The following NUFIP2 variants were observed in gnomAD, a reference collection of about 807,000 sequenced individuals.
NUFIP2 encodes FMR1-interacting protein NUFIP2.
A neutral mutation model predicts 56.9 loss-of-function variants in NUFIP2; 6 were observed. The ratio of observed to expected loss-of-function variants is 0.11; its 90% CI spans 0.06 to 0.21. The LOEUF (loss-of-function observed/expected upper bound fraction) is 0.21. Ranked by LOEUF, NUFIP2 falls within the 10% of genes least tolerant of loss-of-function variation. The probability of loss-of-function intolerance (pLI) is 1.00; values close to 1 mark genes in which losing one functional copy is unlikely to be tolerated. For missense variants in NUFIP2, 828 were observed against 826.8 expected, an observed-to-expected ratio of 1.00 and a Z score of -0.02; for synonymous variants, 321 against 298.2, an observed-to-expected ratio of 1.08 and a Z score of -0.79.
intron 2 of NUFIP2, among the ~76,000 whole-genome samples, chr17:29,282,513 A>T (rs1598434113): frequency 6.6e-6 from 1 of 150,776 alleles, no homozygotes; most frequent in Non-Finnish European, 1.5e-5. Context: ...GTGACACTGC[A>T]CTCCAGCCTG....
intron 2 of NUFIP2, among the ~76,000 whole-genome samples, chr17:29,278,229 A>C (rs1441159735): frequency 6.6e-6 from 1 of 151,178 alleles, no homozygotes; most frequent in African/African-American, 2.4e-5. Flanking sequence ...TATTGCTCTT[A>C]TTCTAATCTC....
chr17:29,291,141 T>C (rs1567682960), intron 1 of NUFIP2, among the ~76,000 whole-genome samples: 2 of 152,092 alleles, frequency 1.3e-5, no homozygotes, highest in South Asian at 4.1e-4. Context: ...AATTTTCTTT[T>C]TAAATAGTAG....
intron 2 of NUFIP2, among the ~76,000 whole-genome samples, chr17:29,274,123 T>C (rs2069093243): frequency 1.3e-5 from 2 of 152,220 alleles, no homozygotes; most frequent in South Asian, 4.1e-4. Flanking sequence ...GGTATGTGTG[T>C]GCTTTAACAA....
chr17:29,271,810 C>T (rs1437780566), intron 2 of NUFIP2, among the ~76,000 whole-genome samples: 1 of 151,674 alleles, frequency 6.6e-6, no homozygotes, highest in Non-Finnish European at 1.5e-5. Flanking sequence ...GTGGCTCTCA[C>T]CTGTAATCCC....
At chr17:29,278,430 T>TACTA (rs2153011790) in intron 2 of NUFIP2, among the ~76,000 whole-genome samples, 1 of 152,076 alleles carries the variant, frequency 6.6e-6, no homozygotes, top group South Asian at 2.1e-4. Flanking sequence ...GTATTTTTAG[T>TACTA]AGAGACGGGG....
chr17:29,284,703 T>C (rs1425665221), intron 2 of NUFIP2, among the ~76,000 whole-genome samples: 3 of 66,064 alleles, frequency 4.5e-5, no homozygotes, highest in East Asian at 4.7e-4. Context: ...TAAGACTCCA[T>C]CTCAAAAAAA....
Position 29,286,285 on chromosome 17 carries a change from C to T in NUFIP2, c.1709G>A (p.Arg570Gln). 5 of 1,614,156 alleles carry T rather than the reference C, an allele frequency of 3.1e-6. No individual in the cohort carries two copies. The highest frequency in any genetic ancestry group is 4.2e-6 in the Non-Finnish European group (5 of 1,180,024). ...VFPKAYELEK[R>Q]TSPQVLGSIL... is the part of the protein sequence containing the mutation. ...GCTACCCAGAACTTGAGGACTAGTC[C>T]GTTTCTCCAGCTCGTAAGCCTTGGG... Residue 570 changes from arginine to glutamine, a missense_variant, in exon 2 of 4, where the codon CGG becomes CAG. Arg to Gln is a conservative substitution (Grantham distance 43). Transcript: ENST00000225388.
At chr17:29,278,612 CTTGGAATGAAACTGCTACTACTATGAT>C (rs2069122679) in intron 2 of NUFIP2, among the ~76,000 whole-genome samples, 1 of 30,508 alleles carries the variant, frequency 3.3e-5, no homozygotes, top group African/African-American at 1.9e-4. Flanking sequence ...ATAGTAATAG[CTTGGAATGAAACTGCTACTACTATGAT>C]AGTAATAAAC....
At chr17:29,268,468 G>A (rs373663639) in intron 2 of NUFIP2, among the ~76,000 whole-genome samples, 66 of 152,098 alleles carry the variant, frequency 4.3e-4, no homozygotes, top group African/African-American at 1.5e-3. Flanking sequence ...AACCATTCAG[G>A]CAAGTAGTTC....
Position 29,263,492 on chromosome 17 carries a change from C to G in NUFIP2, c.*1047G>C, listed in dbSNP as rs565952000. 2.0e-5 allele frequency: 3 copies of G among 152,654 alleles called. No homozygotes were observed. In the South Asian group the frequency reaches 6.2e-4, roughly 32 times the overall value. The allele number at this position is 152,654 out of a possible 1,614,324, so 9.5% of individuals were successfully genotyped here. A position where few individuals can be genotyped will look rare whatever the true frequency, so the allele number is the denominator to read the frequency against. ...CATGAAAAGTTTTAGTTTTCATGGA[C>G]TTTTTTCTTCCCCTTTTAGATTTTG... On this transcript the variant is annotated 3_prime_UTR_variant, in exon 4 of 4. Transcript: ENST00000225388.
chr17:29,277,268 G>A (rs925901966), intron 2 of NUFIP2, among the ~76,000 whole-genome samples: 1 of 152,074 alleles, frequency 6.6e-6, no homozygotes, highest in African/African-American at 2.4e-5. Flanking sequence ...CAGGGGATCT[G>A]CCCACCTCAG....
intron 2 of NUFIP2, among the ~76,000 whole-genome samples, chr17:29,279,575 A>ACAACCTT (rs371376482): frequency 4.3e-4 from 66 of 152,244 alleles, no homozygotes; most frequent in African/African-American, 1.5e-3. Context: ...ACTCTGTTGC[A>ACAACCTT]CAACCTTGAG....
intron 2 of NUFIP2, among the ~76,000 whole-genome samples, chr17:29,271,569 C>A (rs924069670): frequency 6.6e-6 from 1 of 151,582 alleles, no homozygotes; most frequent in African/African-American, 2.4e-5. Context: ...AGAAAGAAAT[C>A]AGCATTATCA....
chr17:29,277,881 T>A (rs2069116798), intron 2 of NUFIP2, among the ~76,000 whole-genome samples: 1 of 152,076 alleles, frequency 6.6e-6, no homozygotes, highest in Non-Finnish European at 1.5e-5. Flanking sequence ...AGCGTGGTGA[T>A]GCAAGCCTAT....
chr17:29,290,582 G>A (rs1318353832), intron 1 of NUFIP2, among the ~76,000 whole-genome samples: 1 of 151,058 alleles, frequency 6.6e-6, no homozygotes, highest in East Asian at 2.0e-4. Context: ...CCAGGAGGCA[G>A]AGGTTGCAGT....
intron 2 of NUFIP2, among the ~76,000 whole-genome samples, chr17:29,279,165 G>A (rs909872580): frequency 8.5e-5 from 13 of 152,156 alleles, no homozygotes; most frequent in Admixed American, 7.9e-4. Context: ...TATTCACATT[G>A]TGTTTAGAAG....
chr17:29,288,589 A>G (rs1345021306), intron 1 of NUFIP2, among the ~76,000 whole-genome samples: 1 of 152,202 alleles, frequency 6.6e-6, no homozygotes, highest in Admixed American at 6.5e-5. Context: ...AATACGTGAA[A>G]CCAAAATATC....
rs757184414 is a variant in NUFIP2 at position 29,264,495 on chromosome 17, G to C, written c.*44C>G. ...AAGCCTTGTGTCCCCCATGAACGATGGCTCTAATGCTGCAGAAAGGTTACG... is the reference window on the plus strand; with the variant it reads ...AAGCCTTGTGTCCCCCATGAACGATCGCTCTAATGCTGCAGAAAGGTTACG... On this transcript the variant is annotated 3_prime_UTR_variant, in exon 4 of 4. Coordinates refer to ENST00000225388, the MANE Select transcript of NUFIP2 (RefSeq NM_020772.3). The C allele has an allele frequency of 1.0e-5, 14 of 1,388,578 alleles. No individual in the cohort carries two copies. Among genetic ancestry groups the C allele is most frequent in the Non-Finnish European group, 1.2e-5 (12 of 979,456 alleles). 86.0% of individuals were successfully genotyped at this position (1,388,578 alleles called of 1,614,324 possible).
At chr17:29,285,606 A>G (rs2069168322) in intron 2 of NUFIP2, among the ~76,000 whole-genome samples, 1 of 152,224 alleles carries the variant, frequency 6.6e-6, no homozygotes, top group African/African-American at 2.4e-5. Context: ...AAAAAACACA[A>G]AACAAAACAA....
Sources: gnomAD v4.1 joint callset for allele counts (sites outside exome capture counted in the v4.1 genomes callset) on GRCh38, gnomAD v4.1.1 for gene constraint, MANE v1.5 for transcripts, NCBI Gene and HGNC (gene_info 2026-07-23, HGNC 2026-07-21) for gene names.